DEPTOR: variants seen among roughly 807,000 people sequenced by gnomAD.
The protein encoded by DEPTOR is DEP domain containing MTOR interacting protein, also known as DEP domain-containing mTOR-interacting protein.
A neutral mutation model predicts 41.6 loss-of-function variants in DEPTOR; 41 were observed. That is an observed-to-expected ratio of 0.98 (90% CI 0.77 to 1.28). The LOEUF (loss-of-function observed/expected upper bound fraction) is 1.28. DEPTOR is among the 50% of genes most tolerant of loss of function. The pLI, the probability that DEPTOR is intolerant of heterozygous loss-of-function variation, is 0.00. For missense variants in DEPTOR, 514 were observed against 527.9 expected, an observed-to-expected ratio of 0.97 and a Z score of 0.26; for synonymous variants, 195 against 192.3, an observed-to-expected ratio of 1.01 and a Z score of -0.12.
chr8:119,949,705 A>G (rs1828328445), intron 3 of DEPTOR, among the ~76,000 whole-genome samples: 1 of 152,130 alleles, frequency 6.6e-6, no homozygotes, highest in African/African-American at 2.4e-5. Flanking sequence ...TTTGAGACAG[A>G]GTCTTACTTT....
intron 8 of DEPTOR, among the ~76,000 whole-genome samples, chr8:120,038,679 G>A (rs1282106730): frequency 1.3e-5 from 2 of 152,112 alleles, no homozygotes; most frequent in Non-Finnish European, 2.9e-5. Context: ...ACCAGGCTAG[G>A]ATGCTCATCT....
chr8:119,965,296 A>G lies in DEPTOR; in HGVS notation c.490A>G (p.Thr164Ala). ...GGAGGAAGGGGTCAAGTATGAGCGC[A>G]CCTTCATGGCATCTGAATTCCTGGA... ...REEEGVKYER[T>A]FMASEFLDWL... is the part of the protein sequence containing the mutation. Residue 164 changes from threonine to alanine, a missense_variant, in exon 4 of 9, where the codon ACC becomes GCC. By Grantham distance (58) the Thr-to-Ala change is moderately conservative. Coordinates refer to ENST00000286234, the MANE Select transcript of DEPTOR (RefSeq NM_022783.4). 1 of 1,614,074 alleles carries G rather than the reference A, an allele frequency of 6.2e-7. No homozygotes were observed. Among genetic ancestry groups the G allele is most frequent in the South Asian group, 1.1e-5 (1 of 91,062 alleles).
chr8:119,905,536 G>C (rs1214118330), intron 1 of DEPTOR, among the ~76,000 whole-genome samples: 1 of 152,074 alleles, frequency 6.6e-6, no homozygotes, highest in Admixed American at 6.6e-5. Context: ...CTGTCGTCTA[G>C]TGGTTTTTGA....
At chr8:119,937,676 C>A (rs2129881417) in intron 3 of DEPTOR, among the ~76,000 whole-genome samples, 1 of 152,220 alleles carries the variant, frequency 6.6e-6, no homozygotes, top group South Asian at 2.1e-4. Context: ...TTGCTGCCAC[C>A]ATTTTGTGGA....
rs558857237 is a variant in DEPTOR at position 119,883,316 on chromosome 8, T to C, written c.122+9348T>C. Among the ~76,000 whole-genome samples, 185 of 151,090 alleles carry C rather than the reference T, an allele frequency of 1.2e-3. 1 individual carries two copies. The highest frequency in any genetic ancestry group is 8.6e-3 in the South Asian group (41 of 4,768). ...GGTGAAACCCCGTCTCTACTAAAAA[T>C]ACAAAAACATTAGCCGGGTGTGGTG... On this transcript the variant is annotated intron_variant, in intron 1 of 8. Coordinates refer to ENST00000286234, the MANE Select transcript of DEPTOR (RefSeq NM_022783.4).
rs16893299 is a variant in DEPTOR, at chr8:119,928,412, C to T, written c.135C>T (p.His45=). Residue 45 remains histidine (H), a synonymous_variant, in exon 2 of 9, where the codon CAC becomes CAT. Coordinates refer to ENST00000286234, the MANE Select transcript of DEPTOR (RefSeq NM_022783.4). ...VTGEQLRLRL[H]EEKVIKDRRH... ...ATTTTTCTTTCAGGCTCAGGCTGCACGAAGAAAAGGTTATTAAAGATAGAC... is the reference window on the plus strand; with the variant it reads ...ATTTTTCTTTCAGGCTCAGGCTGCATGAAGAAAAGGTTATTAAAGATAGAC... 415,929 of 1,610,162 alleles carry T rather than the reference C, an allele frequency of 0.26. 56,573 individuals are homozygous for T. Among genetic ancestry groups the T allele is most frequent in the African/African-American group, 0.36 (27,206 of 74,768 alleles).
intron 8 of DEPTOR, among the ~76,000 whole-genome samples, chr8:120,022,930 T>C (rs1812743132): frequency 6.6e-6 from 1 of 152,174 alleles, no homozygotes. Flanking sequence ...AGACATCTTT[T>C]TTCAAAGATG....
intron 3 of DEPTOR, among the ~76,000 whole-genome samples, chr8:119,961,159 G>A (rs1047450715): frequency 6.6e-5 from 10 of 151,948 alleles, no homozygotes; most frequent in Admixed American, 4.6e-4. Flanking sequence ...GATCACGTCT[G>A]TAATCCCCGC....
At chr8:119,990,714 G>A (rs1378511146) in intron 4 of DEPTOR, among the ~76,000 whole-genome samples, 1 of 152,158 alleles carries the variant, frequency 6.6e-6, no homozygotes, top group East Asian at 1.9e-4. Context: ...TTTTGTTTCA[G>A]TAATATCAGT....
chr8:120,001,773 GAC>G, intron 5 of DEPTOR, 63 bp downstream of exon 5: 1 of 1,519,802 alleles, frequency 6.6e-7, no homozygotes. Context: ...GTGGAGCCAT[GAC>G]TCACCTTTGT....
intron 4 of DEPTOR, among the ~76,000 whole-genome samples, chr8:119,991,554 G>T (rs1242776516): frequency 6.6e-6 from 1 of 152,166 alleles, no homozygotes; most frequent in Non-Finnish European, 1.5e-5. Flanking sequence ...CTGGCCTCAA[G>T]TGGTCTGCCT....
chr8:119,911,272 G>A (rs1827732470), intron 1 of DEPTOR, among the ~76,000 whole-genome samples: 1 of 150,818 alleles, frequency 6.6e-6, no homozygotes, highest in Non-Finnish European at 1.5e-5. Flanking sequence ...AGCAGACAGA[G>A]CTTCAGCCAC....
intron 4 of DEPTOR, 141 bp from the exon 5 acceptor site, chr8:120,001,384 G>A (rs1428363302): frequency 1.5e-6 from 1 of 682,262 alleles, no homozygotes; most frequent in East Asian, 3.0e-5. Context: ...ATGGGCGGAT[G>A]GGCGGCAGCT....
chr8:119,970,083 A>G (rs183525395), intron 4 of DEPTOR, among the ~76,000 whole-genome samples: 1 of 152,226 alleles, frequency 6.6e-6, no homozygotes, highest in Admixed American at 6.5e-5. Context: ...TAGATGAATA[A>G]TTAACATGCA....
At chr8:119,998,274 C>A (rs1812299283) in intron 4 of DEPTOR, among the ~76,000 whole-genome samples, 1 of 152,176 alleles carries the variant, frequency 6.6e-6, no homozygotes, top group Non-Finnish European at 1.5e-5. Flanking sequence ...TTAGCAGAGG[C>A]TGGGTTTCAA....
chr8:119,975,071 C>T (rs970123620), intron 4 of DEPTOR, among the ~76,000 whole-genome samples: 3 of 151,110 alleles, frequency 2.0e-5, no homozygotes, highest in South Asian at 2.1e-4. Flanking sequence ...GAGGCCAAGG[C>T]GGGAGGACTG....
chr8:120,047,269 G>T (rs528267567), intron 8 of DEPTOR, among the ~76,000 whole-genome samples: 1 of 151,968 alleles, frequency 6.6e-6, no homozygotes, highest in East Asian at 2.0e-4. Context: ...TGATCTGCCC[G>T]CTTCGGCCTC....
intron 3 of DEPTOR, among the ~76,000 whole-genome samples, chr8:119,943,833 T>C (rs1158438388): frequency 6.6e-6 from 1 of 152,070 alleles, no homozygotes; most frequent in Non-Finnish European, 1.5e-5. Flanking sequence ...TTAATTTTTA[T>C]TTTATTATTA....
intron 3 of DEPTOR, among the ~76,000 whole-genome samples, chr8:119,954,716 TGTA>T (rs1425911638): frequency 6.6e-6 from 1 of 152,160 alleles, no homozygotes. Flanking sequence ...TTCCTTCTAT[TGTA>T]GTGCTGCCTT....
Sources: gnomAD v4.1 joint callset for allele counts (sites outside exome capture counted in the v4.1 genomes callset) on GRCh38, gnomAD v4.1.1 for gene constraint, MANE v1.5 for transcripts, NCBI Gene and HGNC (gene_info 2026-07-23, HGNC 2026-07-21) for gene names.